Variants in TPRG1 observed in about 807,000 individuals in gnomAD.
The protein encoded by TPRG1 is tumor protein p63-regulated gene 1 protein.
Under a neutral mutation model 29.3 loss-of-function variants are expected in TPRG1, and 29 were observed. The ratio of observed to expected loss-of-function variants is 0.99; its 90% CI spans 0.74 to 1.35. The LOEUF (loss-of-function observed/expected upper bound fraction) is 1.35. Ranked by LOEUF, TPRG1 falls within the 40% of genes most tolerant of loss-of-function variation. TPRG1 has a pLI of 0.00. For synonymous variants in TPRG1, 130 were observed against 116.8 expected, an observed-to-expected ratio of 1.11 and a Z score of -0.73; for missense variants, 327 against 335.0, an observed-to-expected ratio of 0.98 and a Z score of 0.19.
At chr3:189,299,626 A>ATT (rs60136863) in intron 4 of TPRG1, among the ~76,000 whole-genome samples, 4,277 of 135,676 alleles carry the variant, frequency 0.032, 206 homozygotes, top group African/African-American at 0.1. Context: ...TGAGTTGTGT[A>ATT]TTTTTTTTTT....
chr3:189,097,467 G>A (rs1718754641), upstream of TPRG1, among the ~76,000 whole-genome samples: 1 of 152,134 alleles, frequency 6.6e-6, no homozygotes, highest in African/African-American at 2.4e-5. Flanking sequence ...TATCTCAATT[G>A]CACAACTACT....
intron 1 of TPRG1, among the ~76,000 whole-genome samples, chr3:189,178,737 C>A (rs1201191063): frequency 6.6e-6 from 1 of 152,198 alleles, no homozygotes; most frequent in Non-Finnish European, 1.5e-5. Flanking sequence ...GTTCATGGTT[C>A]TCTTCACTGC....
intron 1 of TPRG1, among the ~76,000 whole-genome samples, chr3:189,122,516 T>C (rs773134655): frequency 2.6e-5 from 4 of 152,232 alleles, no homozygotes; most frequent in Non-Finnish European, 5.9e-5. Flanking sequence ...ATTTTTTTCC[T>C]AGAAGAGTAT....
intron 5 of TPRG1, among the ~76,000 whole-genome samples, chr3:189,158,436 C>T (rs969398094): frequency 6.6e-6 from 1 of 151,892 alleles, no homozygotes; most frequent in African/African-American, 2.4e-5. Context: ...TGGTGAAACC[C>T]CGTCTCTACT....
chr3:189,261,388 T>C (rs1219218437), intron 4 of TPRG1, among the ~76,000 whole-genome samples: 2 of 151,918 alleles, frequency 1.3e-5, no homozygotes, highest in Admixed American at 6.6e-5. Flanking sequence ...TTTTCTTGGC[T>C]TCAGAGGTGG....
At chr3:189,260,625 C>T (rs954848450) in intron 4 of TPRG1, among the ~76,000 whole-genome samples, 4 of 152,180 alleles carry the variant, frequency 2.6e-5, no homozygotes, top group Admixed American at 2.6e-4. Flanking sequence ...TATCTCCCTG[C>T]AAGAGAAGGC....
intron 3 of TPRG1, among the ~76,000 whole-genome samples, chr3:189,023,447 C>T (rs1005260292): frequency 6.6e-6 from 1 of 152,164 alleles, no homozygotes; most frequent in Non-Finnish European, 1.5e-5. Context: ...ACAGCATGCT[C>T]CTTTAACTTA....
chr3:189,166,710 T>C (rs1728211526), intron 5 of TPRG1, among the ~76,000 whole-genome samples: 1 of 152,202 alleles, frequency 6.6e-6, no homozygotes, highest in African/African-American at 2.4e-5. Flanking sequence ...TTTGTCAAGG[T>C]TCTTCTTCCT....
intron 4 of TPRG1, among the ~76,000 whole-genome samples, chr3:189,250,502 C>CCG (rs1742004326): frequency 2.8e-5 from 1 of 36,180 alleles, no homozygotes; most frequent in African/African-American, 1.0e-4. Context: ...GTTCTGATTT[C>CCG]CGCCCCCCCC....
intron 2 of TPRG1, among the ~76,000 whole-genome samples, chr3:189,131,302 A>G (rs1723086196): frequency 6.6e-6 from 1 of 152,136 alleles, no homozygotes; most frequent in South Asian, 2.1e-4. Flanking sequence ...TGTAAATATG[A>G]TACATTCTAA....
chr3:189,117,636 G>A (rs1188104079), intron 1 of TPRG1, among the ~76,000 whole-genome samples: 1 of 152,218 alleles, frequency 6.6e-6, no homozygotes, highest in Non-Finnish European at 1.5e-5. Context: ...TGGATCATGG[G>A]AGTAGTTTCC....
intron 5 of TPRG1, among the ~76,000 whole-genome samples, chr3:189,312,324 C>T (rs1234871657): frequency 1.3e-5 from 2 of 151,436 alleles, no homozygotes; most frequent in Non-Finnish European, 2.9e-5. Context: ...GCCTCAGCCT[C>T]CGGAGTAGCT....
exon 3 of TPRG1, chr3:189,004,693 C>A (rs1411499923): frequency 1.3e-5 from 2 of 152,114 alleles, no homozygotes; most frequent in African/African-American, 2.4e-5. Context: ...GGAAAAGATT[C>A]TTTCTCCTTT....
chr3:189,241,830 T>G (rs1275714083), intron 4 of TPRG1, among the ~76,000 whole-genome samples: 1 of 152,184 alleles, frequency 6.6e-6, no homozygotes, highest in African/African-American at 2.4e-5. Flanking sequence ...ATGTAAGAAG[T>G]GCCTTTTGCT....
intron 2 of TPRG1, among the ~76,000 whole-genome samples, chr3:189,210,523 A>G (rs1266535102): frequency 6.6e-6 from 1 of 152,220 alleles, no homozygotes; most frequent in Non-Finnish European, 1.5e-5. Flanking sequence ...TCATGATAAA[A>G]TATGACTTCT....
chr3:189,183,183 CG>C (rs954845812), intron 1 of TPRG1, among the ~76,000 whole-genome samples: 1 of 152,096 alleles, frequency 6.6e-6, no homozygotes, highest in African/African-American at 2.4e-5. Context: ...GCTGGGCGTC[CG>C]GGGGAGACAT....
chr3:189,037,002 G>A (rs930790217), intron 4 of TPRG1, among the ~76,000 whole-genome samples: 45 of 145,880 alleles, frequency 3.1e-4, no homozygotes, highest in African/African-American at 1.1e-3. Flanking sequence ...ACCAAAATCC[G>A]AGGCCCAAAT....
intron 3 of TPRG1, among the ~76,000 whole-genome samples, chr3:189,005,015 C>A (rs1247082693): frequency 6.6e-6 from 1 of 151,978 alleles, no homozygotes; most frequent in Non-Finnish European, 1.5e-5. Flanking sequence ...GAAAGACAAG[C>A]ATCACATGTT....
chr3:189,190,816 T>G (rs1169076788), intron 1 of TPRG1, among the ~76,000 whole-genome samples: 1 of 152,242 alleles, frequency 6.6e-6, no homozygotes, highest in African/African-American at 2.4e-5. Context: ...CTCTTCATAA[T>G]GAGTTCTTTC....
Sources: gnomAD v4.1 joint callset for allele counts (sites outside exome capture counted in the v4.1 genomes callset) on GRCh38, gnomAD v4.1.1 for gene constraint, MANE v1.5 for transcripts, NCBI Gene and HGNC (gene_info 2026-07-23, HGNC 2026-07-21) for gene names.